AKAIN1: variants seen among roughly 807,000 people sequenced by gnomAD.
AKAIN1 encodes A-kinase anchor inhibitor 1.
AKAIN1 carries 3 observed loss-of-function variants against 3.7 expected under a neutral mutation model. The observed-to-expected ratio is 0.82, with a 90% CI of 0.37 to 2.12. AKAIN1 has a LOEUF of 2.12. Among genes scored for constraint, AKAIN1 ranks in the 30% most tolerant of loss-of-function variants. The pLI is 0.06. For missense variants in AKAIN1, 82 were observed against 82.7 expected (o/e 0.99, Z 0.03); for synonymous variants, 31 against 30.8 (o/e 1.01, Z -0.02).
intron 1 of AKAIN1, among the ~76,000 whole-genome samples, chr18:5,192,397 C>CTTTCTTTCT (rs1211009526): frequency 9.5e-6 from 1 of 104,848 alleles, no homozygotes; most frequent in African/African-American, 3.5e-5. Flanking sequence ...TTCTTTCTTT[C>CTTTCTTTCT]TTTCTTTCTT....
intron 1 of AKAIN1, among the ~76,000 whole-genome samples, chr18:5,174,448 C>A (rs1182760494): frequency 6.6e-6 from 1 of 152,044 alleles, no homozygotes; most frequent in Non-Finnish European, 1.5e-5. Flanking sequence ...CCTGACTTTG[C>A]AGAGTAAACA....
At chr18:5,165,361 G>T (rs1353049536) in intron 1 of AKAIN1, among the ~76,000 whole-genome samples, 1 of 151,928 alleles carries the variant, frequency 6.6e-6, no homozygotes, top group East Asian at 1.9e-4. Context: ...TCCAAAGGGG[G>T]TAGGAGACAA....
At chr18:5,182,991 T>G (rs923729171) in intron 1 of AKAIN1, among the ~76,000 whole-genome samples, 3 of 152,068 alleles carry the variant, frequency 2.0e-5, no homozygotes, top group African/African-American at 7.2e-5. Context: ...TATTTTTTTT[T>G]GTCCCTAACT....
chr18:5,168,471 C>T (rs191462597), intron 1 of AKAIN1, among the ~76,000 whole-genome samples: 1 of 150,962 alleles, frequency 6.6e-6, no homozygotes, highest in South Asian at 2.1e-4. Context: ...GACCACGTAT[C>T]CAGTTAAGTT....
intron 1 of AKAIN1, among the ~76,000 whole-genome samples, chr18:5,165,380 G>T (rs1454461159): frequency 6.6e-6 from 1 of 151,946 alleles, no homozygotes; most frequent in East Asian, 1.9e-4. Flanking sequence ...AATGAGTAAG[G>T]TGTAAGAAAG....
chr18:5,196,638 G>C (rs548438454), intron 1 of AKAIN1, among the ~76,000 whole-genome samples: 3 of 152,324 alleles, frequency 2.0e-5, no homozygotes, highest in Admixed American at 2.0e-4. Flanking sequence ...TGCGGAGGGG[G>C]AAGTAGCAGT....
intron 1 of AKAIN1, chr18:5,159,543 T>C (rs2071127702): frequency 6.6e-6 from 1 of 152,144 alleles, no homozygotes; most frequent in South Asian, 2.1e-4. Context: ...AAGCAAACTA[T>C]GGTAAAATAG....
chr18:5,174,761 A>G (rs2071216668), intron 1 of AKAIN1, among the ~76,000 whole-genome samples: 1 of 152,070 alleles, frequency 6.6e-6, no homozygotes, highest in African/African-American at 2.4e-5. Flanking sequence ...GTAGAAAGCA[A>G]TTGTCTCAGA....
chr18:5,190,956 G>A (rs979285481), intron 1 of AKAIN1, among the ~76,000 whole-genome samples: 4 of 151,970 alleles, frequency 2.6e-5, no homozygotes, highest in Admixed American at 2.0e-4. Context: ...GGTGATGAGG[G>A]AACATTTGAA....
At chr18:5,169,407 C>T (rs2071185016) in intron 1 of AKAIN1, among the ~76,000 whole-genome samples, 1 of 152,070 alleles carries the variant, frequency 6.6e-6, no homozygotes, top group African/African-American at 2.4e-5. Context: ...GTGAAATTCA[C>T]AGCAAGGACA....
chr18:5,161,850 C>T (rs1031144332), intron 1 of AKAIN1, among the ~76,000 whole-genome samples: 1 of 151,972 alleles, frequency 6.6e-6, no homozygotes, highest in Non-Finnish European at 1.5e-5. Context: ...TAATGCTAAC[C>T]AATCTTTAAT....
At chr18:5,167,378 A>G (rs1720579287) in intron 1 of AKAIN1, among the ~76,000 whole-genome samples, 2 of 152,080 alleles carry the variant, frequency 1.3e-5, no homozygotes, top group Non-Finnish European at 2.9e-5. Flanking sequence ...TGGAAATGTA[A>G]CCATCATTGT....
intron 1 of AKAIN1, among the ~76,000 whole-genome samples, chr18:5,187,067 A>G (rs964772588): frequency 7.2e-5 from 11 of 152,162 alleles, no homozygotes; most frequent in Admixed American, 3.3e-4. Context: ...ATAGCATTAA[A>G]TTTGCTTATT....
rs373352695 is a variant in AKAIN1 at position 5,184,242 on chromosome 18, G to T, written c.16+12796C>A. 3.9e-5 allele frequency among the ~76,000 whole-genome samples: 6 copies of T among 152,080 alleles called. No individual in the cohort carries two copies. In the South Asian group the frequency reaches 8.3e-4, roughly 21 times the overall value. ...TAAATTTTAGGGAGTAGGCAAATTT[G>T]CAAATATGATATTCACAAATAATGA... is the stretch of plus-strand genomic sequence containing the variant. On this transcript the variant is annotated intron_variant, in intron 1 of 1. Coordinates refer to ENST00000434239, the MANE Select transcript of AKAIN1 (RefSeq NM_001145194.2).
chr18:5,174,971 C>CAGAT (rs1360373361), intron 1 of AKAIN1, among the ~76,000 whole-genome samples: 4 of 152,150 alleles, frequency 2.6e-5, no homozygotes, highest in Non-Finnish European at 5.9e-5. Context: ...CTCCCTTGAC[C>CAGAT]AGATACCAGT....
chr18:5,146,524 A>G (rs1032416519), intron 1 of AKAIN1, among the ~76,000 whole-genome samples: 13 of 152,222 alleles, frequency 8.5e-5, no homozygotes, highest in Non-Finnish European at 1.6e-4. Context: ...GGGCTGGAGA[A>G]CAAATGATGA....
chr18:5,196,801 A>C (rs2071350382), intron 1 of AKAIN1, among the ~76,000 whole-genome samples: 1 of 152,280 alleles, frequency 6.6e-6, no homozygotes, highest in South Asian at 2.1e-4. Context: ...AGATGGGAAG[A>C]GAAGCAGCGG....
rs538269417 is a variant in AKAIN1 at position 5,177,423 on chromosome 18, A to G, written c.16+19615T>C. 2.0e-5 allele frequency among the ~76,000 whole-genome samples: 3 copies of G among 152,194 alleles called. No individual in the cohort carries two copies. In the East Asian group the frequency reaches 5.8e-4, roughly 29 times the overall value. ...AAGCCAAGCAATGTTTTCCTATGCC[A>G]TGATTCCTGTACACCGGCCTTATTT... On this transcript the variant is annotated intron_variant, in intron 1 of 1. Transcript: ENST00000434239.
chr18:5,169,576 T>C (rs1032421838), intron 1 of AKAIN1, among the ~76,000 whole-genome samples: 2 of 152,086 alleles, frequency 1.3e-5, no homozygotes, highest in Non-Finnish European at 2.9e-5. Context: ...TAGTTGTCCA[T>C]AGCCTGGACC....
Sources: gnomAD v4.1 joint callset for allele counts (sites outside exome capture counted in the v4.1 genomes callset) on GRCh38, gnomAD v4.1.1 for gene constraint, MANE v1.5 for transcripts, NCBI Gene and HGNC (gene_info 2026-07-23, HGNC 2026-07-21) for gene names.